The following ECM2 variants were observed in gnomAD, a reference collection of about 807,000 sequenced individuals.
The protein encoded by ECM2 is extracellular matrix protein 2, also known as extracellular matrix protein 2, female organ and adipocyte specific.
Under a neutral mutation model 67.5 loss-of-function variants are expected in ECM2, and 57 were observed. The observed-to-expected ratio is 0.84, with a 90% CI of 0.68 to 1.05. ECM2 has a LOEUF of 1.05. Ranked by LOEUF, ECM2 falls within the 50% of genes least tolerant of loss-of-function variation. The pLI is 0.00. For synonymous variants in ECM2, 258 were observed against 294.5 expected (o/e 0.88, Z 1.27); for missense variants, 741 against 822.8 (o/e 0.90, Z 1.22).
chr9:92,539,667 A>C (rs1849271581), upstream of ECM2, among the ~76,000 whole-genome samples: 1 of 152,056 alleles, frequency 6.6e-6, no homozygotes, highest in Non-Finnish European at 1.5e-5. Flanking sequence ...AAGTGAGGGG[A>C]GGAGTAGTAT....
chr9:92,503,938 G>A (rs1846839546), intron 7 of ECM2, among the ~76,000 whole-genome samples: 1 of 152,188 alleles, frequency 6.6e-6, no homozygotes, highest in African/African-American at 2.4e-5. Context: ...TACAGCAGTG[G>A]CTTTAGAAGG....
chr9:92,496,997 G>A (rs555270165), intron 9 of ECM2, among the ~76,000 whole-genome samples: 7 of 150,906 alleles, frequency 4.6e-5, no homozygotes, highest in African/African-American at 1.5e-4. Context: ...AGCCTGGACC[G>A]ATCAAATACC....
At chr9:92,547,117 G>A in the ECM2 span, among the ~76,000 whole-genome samples, 1 of 152,166 alleles carries the variant, frequency 6.6e-6, no homozygotes, top group Non-Finnish European at 1.5e-5. Flanking sequence ...CGGCGTAAGT[G>A]TAACAGTCCA....
chr9:92,532,245 T>C (rs1205725722), intron 1 of ECM2, among the ~76,000 whole-genome samples: 1 of 151,850 alleles, frequency 6.6e-6, no homozygotes, highest in Admixed American at 6.6e-5. Flanking sequence ...CTTTTAAAAG[T>C]AATTTTTTTT....
chr9:92,526,255 A>G (rs990398695), intron 1 of ECM2, among the ~76,000 whole-genome samples: 2 of 152,248 alleles, frequency 1.3e-5, no homozygotes, highest in Non-Finnish European at 2.9e-5. Context: ...AAGTTAAAAA[A>G]TAAAAATAGA....
chr9:92,535,011 T>C (rs558165051), intron 1 of ECM2, among the ~76,000 whole-genome samples: 31 of 152,270 alleles, frequency 2.0e-4, no homozygotes, highest in Non-Finnish European at 3.8e-4. Context: ...ATTGAGTGCT[T>C]AGGAGTGTGA....
intron 1 of ECM2, among the ~76,000 whole-genome samples, chr9:92,523,145 G>C (rs554837170): frequency 6.6e-6 from 1 of 151,772 alleles, no homozygotes; most frequent in African/African-American, 2.4e-5. Context: ...CAGTGGTTCA[G>C]TCATGACTCA....
At chr9:92,495,057 C>G (rs1459564857), downstream of ECM2, among the ~76,000 whole-genome samples, 1 of 152,202 alleles carries the variant, frequency 6.6e-6, no homozygotes, top group Admixed American at 6.5e-5. Flanking sequence ...CCACACCATA[C>G]TTTCCAAAAT....
chr9:92,533,328 A>ATATATAT (rs1247921787), intron 1 of ECM2, among the ~76,000 whole-genome samples: 1 of 38,338 alleles, frequency 2.6e-5, no homozygotes, highest in African/African-American at 1.5e-4. Context: ...AAAAAAAAAA[A>ATATATAT]ATATATATAT....
At chr9:92,501,596 G>A (rs1424069724) in intron 8 of ECM2, among the ~76,000 whole-genome samples, 1 of 152,160 alleles carries the variant, frequency 6.6e-6, no homozygotes, top group African/African-American at 2.4e-5. Context: ...GAAGATCTGG[G>A]GAACGTGGTG....
At chr9:92,509,050 CAG>C (rs1432864413) in intron 6 of ECM2, among the ~76,000 whole-genome samples, 1 of 151,752 alleles carries the variant, frequency 6.6e-6, no homozygotes, top group Non-Finnish European at 1.5e-5. Flanking sequence ...CTCTTCTATA[CAG>C]AGTCACAATA....
chr9:92,505,810 T>A (rs1283255938), intron 6 of ECM2, 120 bp from the exon 7 acceptor site: 13 of 754,584 alleles, frequency 1.7e-5, no homozygotes, highest in South Asian at 2.0e-5. Context: ...CAGTTTTTTT[T>A]AAACCTTTGT....
At chr9:92,523,640 G>A (rs981285565) in intron 1 of ECM2, among the ~76,000 whole-genome samples, 33 of 152,208 alleles carry the variant, frequency 2.2e-4, no homozygotes, top group African/African-American at 7.2e-5. Context: ...TGTCATAGGC[G>A]TAATCTATAG....
At chr9:92,546,315 C>G in the ECM2 span, among the ~76,000 whole-genome samples, 1 of 152,212 alleles carries the variant, frequency 6.6e-6, no homozygotes, top group Non-Finnish European at 1.5e-5. Flanking sequence ...CAAGCTAGCC[C>G]TGACAACCCA....
intron 9 of ECM2, among the ~76,000 whole-genome samples, chr9:92,497,027 G>C (rs1846386387): frequency 6.6e-6 from 1 of 151,508 alleles, no homozygotes; most frequent in South Asian, 2.1e-4. Flanking sequence ...AATGCAAAAT[G>C]GTGCGCCACC....
chr9:92,519,251 G>T (rs1276986371), intron 2 of ECM2, among the ~76,000 whole-genome samples: 1 of 152,104 alleles, frequency 6.6e-6, no homozygotes, highest in Non-Finnish European at 1.5e-5. Flanking sequence ...TTTCTTCCAG[G>T]TTATCAAAAG....
intron 1 of ECM2, among the ~76,000 whole-genome samples, chr9:92,530,714 T>A (rs1848700119): frequency 6.6e-6 from 1 of 152,198 alleles, no homozygotes; most frequent in Non-Finnish European, 1.5e-5. Flanking sequence ...CTTTTTTGAC[T>A]TTTTAGATTC....
At chr9:92,537,389 A>G (rs1468878196), upstream of ECM2, among the ~76,000 whole-genome samples, 1 of 152,106 alleles carries the variant, frequency 6.6e-6, no homozygotes, top group Non-Finnish European at 1.5e-5. Context: ...AGCTGAGTGC[A>G]GTGGCTCACA....
In ECM2 at chr9:92,533,358, T is replaced by TGCTTTGGG. The variant is rs1554683182; in HGVS notation, c.-28+2567_-28+2574dup. Among the ~76,000 whole-genome samples the TGCTTTGGG allele has an allele frequency of 7.1e-5, 9 of 126,984 alleles. No individual in the cohort carries two copies. In the East Asian group the frequency reaches 2.0e-3, roughly 29 times the overall value. 83.3% of individuals were successfully genotyped at this position (126,984 alleles called of 152,430 possible). A position where few individuals can be genotyped will look rare whatever the true frequency, so the allele number is the denominator to read the frequency against. On this transcript the variant is annotated intron_variant, in intron 1 of 9. Coordinates refer to ENST00000344604, the MANE Select transcript of ECM2 (RefSeq NM_001393.4). ...ATATATATATATATATATATATATA[T>TGCTTTGGG]GCTTTGGGTCCACTTCACTTTTCCT...
Sources: allele counts gnomAD v4.1 joint callset (sites outside exome capture counted in the v4.1 genomes callset), GRCh38; gene constraint gnomAD v4.1.1; transcripts MANE v1.5; gene names NCBI Gene and HGNC (gene_info 2026-07-23, HGNC 2026-07-21).